The following SYT16 variants were observed in gnomAD, a reference collection of about 807,000 sequenced individuals.
SYT16 encodes synaptotagmin 16, also known as synaptotagmin-16.
A neutral mutation model predicts 61.4 loss-of-function variants in SYT16; 42 were observed. The ratio of observed to expected loss-of-function variants is 0.68; its 90% CI spans 0.53 to 0.89. The LOEUF (loss-of-function observed/expected upper bound fraction) is 0.89. Ranked by LOEUF, SYT16 falls within the 40% of genes least tolerant of loss-of-function variation. The pLI is 0.00. For synonymous variants in SYT16, 314 were observed against 302.3 expected, an observed-to-expected ratio of 1.04 and a Z score of -0.40; for missense variants, 804 against 807.3, an observed-to-expected ratio of 1.00 and a Z score of 0.05.
At chr14:62,099,862 A>G (rs2057373136) in intron 7 of SYT16, among the ~76,000 whole-genome samples, 1 of 151,226 alleles carries the variant, frequency 6.6e-6, no homozygotes, top group African/African-American at 2.4e-5. Flanking sequence ...TGGGCAACGG[A>G]GCAAGACCTT....
At chr14:61,880,452 G>A (rs773651863) in intron 1 of SYT16, among the ~76,000 whole-genome samples, 1 of 151,924 alleles carries the variant, frequency 6.6e-6, no homozygotes, top group Non-Finnish European at 1.5e-5. Context: ...GCTTTTTTTG[G>A]TCCTTTACTA....
intron 1 of SYT16, among the ~76,000 whole-genome samples, chr14:61,911,939 T>C (rs1264621363): frequency 6.6e-6 from 1 of 152,210 alleles, no homozygotes; most frequent in Non-Finnish European, 1.5e-5. Flanking sequence ...GGGAAACAAA[T>C]GTATTATTGC....
intron 2 of SYT16, among the ~76,000 whole-genome samples, chr14:61,981,341 A>G (rs965131281): frequency 1.3e-5 from 2 of 152,188 alleles, no homozygotes; most frequent in Admixed American, 6.5e-5. Context: ...AAAATTAATC[A>G]TCATAGAATC....
At chr14:61,851,198 G>A (rs1248918467) in intron 1 of SYT16, among the ~76,000 whole-genome samples, 1 of 152,144 alleles carries the variant, frequency 6.6e-6, no homozygotes, top group East Asian at 1.9e-4. Context: ...GCTGAGGATA[G>A]TGGCTTCCAA....
intron 3 of SYT16, among the ~76,000 whole-genome samples, chr14:62,033,583 G>C (rs941530094): frequency 1.3e-5 from 2 of 152,088 alleles, no homozygotes; most frequent in African/African-American, 4.8e-5. Context: ...GAGTGAGGTG[G>C]AACGGAGAGG....
chr14:62,023,265 T>G (rs1228289092), intron 3 of SYT16, among the ~76,000 whole-genome samples: 2 of 152,190 alleles, frequency 1.3e-5, no homozygotes, highest in East Asian at 1.9e-4. Context: ...TTACCTTTGT[T>G]CTTAGAGATG....
At chr14:62,099,014 G>A (rs770453804) in intron 7 of SYT16, among the ~76,000 whole-genome samples, 3 of 152,158 alleles carry the variant, frequency 2.0e-5, no homozygotes, top group African/African-American at 4.8e-5. Flanking sequence ...AATTGGGTTG[G>A]AGGAGGGGAG....
intron 1 of SYT16, among the ~76,000 whole-genome samples, chr14:61,945,308 A>G (rs1315812361): frequency 2.0e-5 from 3 of 152,202 alleles, no homozygotes; most frequent in African/African-American, 7.2e-5. Flanking sequence ...TAGTTCAACC[A>G]TTGTAGAAGA....
intron 3 of SYT16, among the ~76,000 whole-genome samples, chr14:62,051,184 C>G (rs2055273081): frequency 6.6e-6 from 1 of 152,356 alleles, no homozygotes; most frequent in Non-Finnish European, 1.5e-5. Context: ...GCGCCCCTCC[C>G]CCAGCCTCAC....
At chr14:62,004,097 G>C (rs2053127498) in intron 3 of SYT16, among the ~76,000 whole-genome samples, 1 of 152,118 alleles carries the variant, frequency 6.6e-6, no homozygotes, top group African/African-American at 2.4e-5. Context: ...CTGCTATAAA[G>C]ACATACCGGA....
chr14:62,078,579 G>A (rs1044581616), intron 5 of SYT16, among the ~76,000 whole-genome samples: 1 of 152,216 alleles, frequency 6.6e-6, no homozygotes, highest in African/African-American at 2.4e-5. Context: ...GAACAAAAGT[G>A]CGAGACAAGG....
downstream of SYT16, chr14:62,112,677 T>G (rs1199885220): frequency 6.6e-6 from 1 of 152,142 alleles, no homozygotes; most frequent in Non-Finnish European, 1.5e-5. Flanking sequence ...TTCAAAACCA[T>G]ACCAACTGCA....
chr14:62,001,618 G>A (rs1366437732), intron 3 of SYT16, among the ~76,000 whole-genome samples: 1 of 36,618 alleles, frequency 2.7e-5, no homozygotes, highest in Non-Finnish European at 4.5e-5. Context: ...TTAGGTCTGT[G>A]GGTTTAATGC....
intron 5 of SYT16, among the ~76,000 whole-genome samples, chr14:62,078,155 C>CTCTCTCTCTCTATATATATATATATATA (rs766089633): frequency 7.4e-6 from 1 of 135,936 alleles, no homozygotes; most frequent in African/African-American, 2.9e-5. Context: ...CTCTCTCTCT[C>CTCTCTCTCTCTATATATATATATATATA]TATATATATA....
chr14:61,895,456 CA>C (rs2048293733), intron 1 of SYT16, among the ~76,000 whole-genome samples: 1 of 152,150 alleles, frequency 6.6e-6, no homozygotes, highest in African/African-American at 2.4e-5. Flanking sequence ...TTTTCTTGTT[CA>C]AGCTGTTCCT....
chr14:61,821,360 A>G (rs2140216710), intron 1 of SYT16, among the ~76,000 whole-genome samples: 1 of 152,292 alleles, frequency 6.6e-6, no homozygotes, highest in East Asian at 1.9e-4. Flanking sequence ...CTATTGCTGC[A>G]TAACAAATTA....
intron 1 of SYT16, among the ~76,000 whole-genome samples, chr14:61,921,318 A>G (rs1204865290): frequency 6.6e-6 from 1 of 152,166 alleles, no homozygotes; most frequent in Non-Finnish European, 1.5e-5. Flanking sequence ...CTCTTGAATC[A>G]GGTCTAACTC....
At chr14:61,921,778 G>C (rs2049343879) in intron 1 of SYT16, among the ~76,000 whole-genome samples, 1 of 152,196 alleles carries the variant, frequency 6.6e-6, no homozygotes, top group African/African-American at 2.4e-5. Context: ...AGAGTGGACA[G>C]GTAGCAGGCT....
intron 2 of SYT16, among the ~76,000 whole-genome samples, chr14:61,972,922 T>G (rs2051621451): frequency 1.3e-5 from 2 of 152,182 alleles, no homozygotes. Flanking sequence ...TTCTGTTTGG[T>G]TCTTAGGGTT....
Sources: allele counts gnomAD v4.1 joint callset (sites outside exome capture counted in the v4.1 genomes callset), GRCh38; gene constraint gnomAD v4.1.1; transcripts MANE v1.5; gene names NCBI Gene and HGNC (gene_info 2026-07-23, HGNC 2026-07-21).